XKR4: variants seen among roughly 807,000 people sequenced by gnomAD.
XKR4 encodes the protein XK-related protein 4.
XKR4 carries 12 observed loss-of-function variants against 53.9 expected under a neutral mutation model. The ratio of observed to expected loss-of-function variants is 0.22; its 90% CI spans 0.14 to 0.36. The LOEUF is 0.36. Ranked by LOEUF, XKR4 falls within the 10% of genes least tolerant of loss-of-function variation. The probability of loss-of-function intolerance (pLI) is 1.00; values close to 1 mark genes in which losing one functional copy is unlikely to be tolerated. For missense variants in XKR4, 799 were observed against 859.5 expected, an observed-to-expected ratio of 0.93 and a Z score of 0.88; for synonymous variants, 354 against 362.4, an observed-to-expected ratio of 0.98 and a Z score of 0.26.
At position 55,519,402 on chromosome 8, in the gene XKR4, C is replaced by T. The variant is rs374329467; in HGVS notation, c.1007-3879C>T. On this transcript the variant is annotated intron_variant, in intron 2 of 2. Transcript: ENST00000327381. ...GATGATCCTGAAAAAATACATTGTT[C>T]AATGTCACTTATATATTCCTGCCTA... is the stretch of plus-strand genomic sequence containing the variant. Among the ~76,000 whole-genome samples, 20 of 152,214 alleles carry T rather than the reference C, an allele frequency of 1.3e-4. No homozygotes were observed. In the South Asian group the frequency reaches 1.9e-3, roughly 14 times the overall value.
chr8:55,176,460 C>CGT (rs140783138), intron 1 of XKR4, among the ~76,000 whole-genome samples: 15 of 151,382 alleles, frequency 9.9e-5, no homozygotes, highest in East Asian at 1.9e-4. Flanking sequence ...AGTGTGTGTG[C>CGT]GTGTGTGTGT....
chr8:55,299,915 G>C (rs1401519917), intron 1 of XKR4, among the ~76,000 whole-genome samples: 1 of 152,122 alleles, frequency 6.6e-6, no homozygotes, highest in Non-Finnish European at 1.5e-5. Flanking sequence ...CGGAGATACA[G>C]ATTTAGATGT....
chr8:55,358,135 T>C (rs981142656), intron 2 of XKR4, among the ~76,000 whole-genome samples: 2 of 152,206 alleles, frequency 1.3e-5, no homozygotes, highest in Non-Finnish European at 1.5e-5. Flanking sequence ...TTACACTTGG[T>C]CGATGTGGGG....
intron 2 of XKR4, chr8:55,450,262 GGGGTTCCCC>G: frequency 1.5e-6 from 1 of 676,940 alleles, no homozygotes; most frequent in South Asian, 1.7e-5. Context: ...AGGGGCTCAG[GGGGTTCCCC>G]GAGCCAGTTC....
intron 2 of XKR4, among the ~76,000 whole-genome samples, chr8:55,445,131 C>A (rs1171829936): frequency 6.6e-6 from 1 of 152,162 alleles, no homozygotes; most frequent in East Asian, 1.9e-4. Context: ...GATCTCGGCT[C>A]ACTGCAAGCT....
At chr8:55,184,571 C>G (rs145836097) in intron 1 of XKR4, among the ~76,000 whole-genome samples, 1 of 152,196 alleles carries the variant, frequency 6.6e-6, no homozygotes, top group Non-Finnish European at 1.5e-5. Context: ...CTGCTGTTTT[C>G]TTTCATGTGT....
chr8:55,318,186 T>G (rs1024298282), intron 1 of XKR4, among the ~76,000 whole-genome samples: 2 of 152,196 alleles, frequency 1.3e-5, no homozygotes, highest in African/African-American at 4.8e-5. Context: ...AGTATCTTCC[T>G]AAAAATTACC....
chr8:55,200,413 G>A (rs1817565109), intron 1 of XKR4, among the ~76,000 whole-genome samples: 1 of 152,206 alleles, frequency 6.6e-6, no homozygotes, highest in African/African-American at 2.4e-5. Context: ...TGAGGGTAAA[G>A]GTAGCCAGAC....
At chr8:55,487,658 G>A (rs1806214996) in intron 2 of XKR4, among the ~76,000 whole-genome samples, 1 of 151,950 alleles carries the variant, frequency 6.6e-6, no homozygotes, top group Non-Finnish European at 1.5e-5. Flanking sequence ...TAGTAGAGAT[G>A]GGGTTTCACC....
intron 1 of XKR4, among the ~76,000 whole-genome samples, chr8:55,137,312 T>C (rs1222475004): frequency 6.6e-6 from 1 of 152,114 alleles, no homozygotes. Flanking sequence ...TCCCTAAAGA[T>C]TTTAAAATTT....
intron 1 of XKR4, among the ~76,000 whole-genome samples, chr8:55,255,940 C>T (rs1348303516): frequency 6.6e-6 from 1 of 151,080 alleles, no homozygotes; most frequent in Non-Finnish European, 1.5e-5. Flanking sequence ...AGAGACACAT[C>T]GTCCAATCAT....
intron 1 of XKR4, among the ~76,000 whole-genome samples, chr8:55,181,304 T>G (rs760669220): frequency 5.9e-5 from 9 of 152,156 alleles, no homozygotes; most frequent in African/African-American, 1.7e-4. Context: ...AACAGTGTCA[T>G]CTCCTTGCAT....
intron 2 of XKR4, among the ~76,000 whole-genome samples, chr8:55,417,624 A>G (rs928852913): frequency 1.3e-5 from 2 of 152,260 alleles, no homozygotes; most frequent in African/African-American, 4.8e-5. Context: ...TGCTGGATGT[A>G]TGTGAATCAC....
chr8:55,411,946 A>T (rs937471188), intron 2 of XKR4, among the ~76,000 whole-genome samples: 2 of 152,242 alleles, frequency 1.3e-5, no homozygotes, highest in Admixed American at 6.5e-5. Flanking sequence ...TGCTCATCTG[A>T]GGAGATTCAC....
intron 1 of XKR4, among the ~76,000 whole-genome samples, chr8:55,171,791 A>T (rs568349370): frequency 6.6e-6 from 1 of 152,096 alleles, no homozygotes; most frequent in South Asian, 2.1e-4. Flanking sequence ...GTCGCCTTCC[A>T]GTATCCCCGA....
chr8:55,451,875 T>A, intron 2 of XKR4: 1 of 854,224 alleles, frequency 1.2e-6, no homozygotes, highest in Non-Finnish European at 1.9e-6. Context: ...ACGGGGTCAG[T>A]GTGCTGGGCT....
chr8:55,109,356 T>C (rs1238159715), intron 1 of XKR4, among the ~76,000 whole-genome samples: 2 of 152,168 alleles, frequency 1.3e-5, no homozygotes, highest in Non-Finnish European at 2.9e-5. Flanking sequence ...TGCTTTTTTG[T>C]GGATGAAAGA....
At chr8:55,287,704 C>T (rs914197629) in intron 1 of XKR4, among the ~76,000 whole-genome samples, 3 of 152,220 alleles carry the variant, frequency 2.0e-5, no homozygotes, top group Non-Finnish European at 2.9e-5. Context: ...CCCTCCTTTT[C>T]CTTCCTGTCT....
rs185227664 is a variant in XKR4, at chr8:55,411,418, T to G, written c.1006+53541T>G. On this transcript the variant is annotated intron_variant, in intron 2 of 2. Coordinates refer to ENST00000327381, the MANE Select transcript of XKR4 (RefSeq NM_052898.2). ...TTTGATTTTTAAAAAATTATCATTG[T>G]TATTATTCCTCAACAGTCAACAAGC... Among the ~76,000 whole-genome samples the G allele has an allele frequency of 5.3e-5, 8 of 152,354 alleles. No individual in the cohort carries two copies. The East Asian group carries it at 1.5e-3, about 29-fold the overall frequency.
Sources: gnomAD v4.1 joint callset for allele counts (sites outside exome capture counted in the v4.1 genomes callset) on GRCh38, gnomAD v4.1.1 for gene constraint, MANE v1.5 for transcripts, NCBI Gene and HGNC (gene_info 2026-07-23, HGNC 2026-07-21) for gene names.